LRRIQ3: variants seen among roughly 807,000 people sequenced by gnomAD.
The protein encoded by LRRIQ3 is leucine rich repeats and IQ motif containing 3.
Under a neutral mutation model 59.3 loss-of-function variants are expected in LRRIQ3, and 75 were observed. That is an observed-to-expected ratio of 1.26 (90% CI 1.05 to 1.53). The LOEUF is 1.53. Among genes scored for constraint, LRRIQ3 ranks in the 40% most tolerant of loss-of-function variants. LRRIQ3 has a pLI of 0.00. For missense variants in LRRIQ3, 831 were observed against 710.0 expected (o/e 1.17, Z -1.94); for synonymous variants, 250 against 231.3 (o/e 1.08, Z -0.73).
At chr1:74,087,828 G>A (rs1646345599) in intron 5 of LRRIQ3, among the ~76,000 whole-genome samples, 1 of 152,074 alleles carries the variant, frequency 6.6e-6, no homozygotes, top group South Asian at 2.1e-4. Context: ...GCTGGGGGCC[G>A]TGGCTCACAG....
At chr1:74,188,225 C>T (rs960666427) in intron 1 of LRRIQ3, among the ~76,000 whole-genome samples, 6 of 152,028 alleles carry the variant, frequency 3.9e-5, no homozygotes, top group Admixed American at 1.3e-4. Context: ...TATGAAAACA[C>T]ATGGACACAT....
intron 3 of LRRIQ3, chr1:74,180,808 G>A (rs528303788): frequency 6.5e-7 from 1 of 1,548,324 alleles, no homozygotes; most frequent in Admixed American, 2.0e-5. Context: ...CACATCCAAG[G>A]AAACAATGAG....
At chr1:74,086,386 T>C (rs1646327595) in intron 5 of LRRIQ3, among the ~76,000 whole-genome samples, 1 of 152,126 alleles carries the variant, frequency 6.6e-6, no homozygotes, top group Admixed American at 6.6e-5. Flanking sequence ...AATTTCAATG[T>C]TGCTAAATGC....
chr1:74,087,526 T>C (rs967284322), intron 5 of LRRIQ3, among the ~76,000 whole-genome samples: 18 of 150,222 alleles, frequency 1.2e-4, no homozygotes, highest in Non-Finnish European at 1.8e-4. Flanking sequence ...TGCTATTTCA[T>C]AAAAAAAAAT....
chr1:74,175,595 C>A (rs1412764879), intron 3 of LRRIQ3, among the ~76,000 whole-genome samples: 1 of 152,154 alleles, frequency 6.6e-6, no homozygotes, highest in Admixed American at 6.5e-5. Flanking sequence ...ATCCTTTTAA[C>A]ATTCTTCCCC....
At chr1:74,127,018 A>G (rs1229564455) in intron 4 of LRRIQ3, among the ~76,000 whole-genome samples, 2 of 151,760 alleles carry the variant, frequency 1.3e-5, no homozygotes, top group African/African-American at 4.8e-5. Flanking sequence ...TTTGCTTTAT[A>G]TATTTGGGTG....
At chr1:74,096,824 A>C (rs997925169) in intron 5 of LRRIQ3, among the ~76,000 whole-genome samples, 1 of 152,052 alleles carries the variant, frequency 6.6e-6, no homozygotes, top group Admixed American at 6.6e-5. Context: ...TCCAGACCCT[A>C]TTTGCCTGGG....
chr1:74,047,876 G>A (rs1259451476), intron 6 of LRRIQ3, among the ~76,000 whole-genome samples: 1 of 152,094 alleles, frequency 6.6e-6, no homozygotes, highest in Non-Finnish European at 1.5e-5. Context: ...ACTGATTAAG[G>A]TTAAATTTGG....
chr1:74,131,788 C>T (rs887310990), intron 4 of LRRIQ3, among the ~76,000 whole-genome samples: 8 of 152,244 alleles, frequency 5.3e-5, no homozygotes, highest in South Asian at 2.1e-4. Flanking sequence ...TGGGCAAAAA[C>T]TGGAAGCATT....
rs539571207 is a variant in LRRIQ3 at position 74,122,428 on chromosome 1, G to GT, written c.708-12876dup. Among the ~76,000 whole-genome samples, 175 of 152,088 alleles carry GT rather than the reference G, an allele frequency of 1.2e-3. 1 individual carries two copies. The highest frequency in any genetic ancestry group is 4.1e-3 in the African/African-American group (171 of 41,512). On this transcript the variant is annotated intron_variant, in intron 4 of 7. Transcript: ENST00000354431. Reference sequence around the variant, plus strand: ...CCTTCGCCCACTTTTTGATGGGGTTGTTTTTTTCTTATAAATTTGTTGGAG... The same window carrying GT: ...CCTTCGCCCACTTTTTGATGGGGTTGTTTTTTTTCTTATAAATTTGTTGGAG...
intron 3 of LRRIQ3, among the ~76,000 whole-genome samples, chr1:74,163,692 C>A (rs992931548): frequency 6.6e-5 from 10 of 151,392 alleles, no homozygotes; most frequent in African/African-American, 2.4e-4. Flanking sequence ...CAGTTCGGGG[C>A]CATTACCAAT....
chr1:74,182,936 C>A, intron 2 of LRRIQ3, 75 bp from the exon 3 acceptor site: 2 of 765,564 alleles, frequency 2.6e-6, no homozygotes, highest in South Asian at 5.4e-5. Flanking sequence ...TAAAATATTA[C>A]ACATATAAAA....
chr1:74,044,052 T>G (rs1654126816), intron 6 of LRRIQ3, among the ~76,000 whole-genome samples: 1 of 152,166 alleles, frequency 6.6e-6, no homozygotes, highest in Non-Finnish European at 1.5e-5. Flanking sequence ...TCACATATGT[T>G]TTTCCTGATA....
rs149376308 is a variant in LRRIQ3 at position 74,158,280 on chromosome 1, T to C, written c.574-2414A>G. Among the ~76,000 whole-genome samples the C allele has an allele frequency of 3.0e-3, 458 of 152,292 alleles. 1 individual carries two copies. The highest frequency in any genetic ancestry group is 0.01 in the African/African-American group (431 of 41,578). ...TTGCTAGATTGAGCATTCCAAAATG[T>C]AAATCTTATCATATGACATTCTAGA... On this transcript the variant is annotated intron_variant, in intron 3 of 7. Transcript: ENST00000354431.
intron 1 of LRRIQ3, among the ~76,000 whole-genome samples, chr1:74,193,406 T>C (rs1471009352): frequency 2.0e-5 from 3 of 152,244 alleles, no homozygotes; most frequent in Non-Finnish European, 4.4e-5. Flanking sequence ...TACATTTTAA[T>C]TGCACTATAT....
chr1:74,136,558 A>T (rs566874214), intron 4 of LRRIQ3, among the ~76,000 whole-genome samples: 5 of 151,922 alleles, frequency 3.3e-5, no homozygotes, highest in East Asian at 3.9e-4. Flanking sequence ...TTATATATAT[A>T]TTAGAAATAG....
At chr1:74,111,920 A>G (rs1250369456) in intron 4 of LRRIQ3, among the ~76,000 whole-genome samples, 2 of 152,050 alleles carry the variant, frequency 1.3e-5, no homozygotes, top group African/African-American at 4.8e-5. Context: ...CATGTTTCAG[A>G]GATATTATGT....
At chr1:74,066,475 C>G (rs1237736534) in intron 6 of LRRIQ3, among the ~76,000 whole-genome samples, 1 of 151,964 alleles carries the variant, frequency 6.6e-6, no homozygotes, top group Non-Finnish European at 1.5e-5. Flanking sequence ...AGCTACTTTT[C>G]ATAATACATT....
chr1:74,060,003 C>T (rs200328416), intron 6 of LRRIQ3, among the ~76,000 whole-genome samples: 105 of 151,922 alleles, frequency 6.9e-4, no homozygotes, highest in Admixed American at 1.9e-3. Flanking sequence ...CAAATATTTG[C>T]GTATTTTTAT....
Sources: gnomAD v4.1 joint callset for allele counts (sites outside exome capture counted in the v4.1 genomes callset) on GRCh38, gnomAD v4.1.1 for gene constraint, MANE v1.5 for transcripts, NCBI Gene and HGNC (gene_info 2026-07-23, HGNC 2026-07-21) for gene names.